Variants in PLCH1 observed in about 807,000 individuals in gnomAD.
PLCH1 encodes 1-phosphatidylinositol 4,5-bisphosphate phosphodiesterase eta-1.
Under a neutral mutation model 126.7 loss-of-function variants are expected in PLCH1, and 60 were observed. The ratio of observed to expected loss-of-function variants is 0.47; its 90% confidence interval spans 0.38 to 0.59. The LOEUF (loss-of-function observed/expected upper bound fraction) is 0.59. Among genes scored for constraint, PLCH1 ranks in the 20% least tolerant of loss-of-function variants. The pLI, the probability that PLCH1 is intolerant of heterozygous loss-of-function variation, is 0.00. For synonymous variants in PLCH1, 719 were observed against 734.9 expected (o/e 0.98, Z 0.35); for missense variants, 1,723 against 2,040.0 (o/e 0.84, Z 2.99).
intron 3 of PLCH1, among the ~76,000 whole-genome samples, chr3:155,595,329 T>C (rs1276269214): frequency 6.6e-6 from 1 of 152,242 alleles, no homozygotes; most frequent in Non-Finnish European, 1.5e-5. Flanking sequence ...TATTTTTCAG[T>C]AGGAATCAGA....
At chr3:155,560,844 C>T (rs1727489323) in intron 8 of PLCH1, among the ~76,000 whole-genome samples, 1 of 152,178 alleles carries the variant, frequency 6.6e-6, no homozygotes, top group South Asian at 2.1e-4. Flanking sequence ...CATAAACCAA[C>T]TCCCTTTTAT....
At chr3:155,654,916 C>A (rs933951218) in intron 2 of PLCH1, among the ~76,000 whole-genome samples, 3 of 152,182 alleles carry the variant, frequency 2.0e-5, no homozygotes, top group Non-Finnish European at 4.4e-5. Context: ...TCTGACTCAT[C>A]TTCTACCATT....
chr3:155,646,476 A>G (rs1740076846), intron 2 of PLCH1, among the ~76,000 whole-genome samples: 1 of 152,188 alleles, frequency 6.6e-6, no homozygotes, highest in South Asian at 2.1e-4. Flanking sequence ...CATAATGTGC[A>G]ACTCCAGCCT....
chr3:155,640,744 C>T (rs1278295442), intron 2 of PLCH1, among the ~76,000 whole-genome samples: 1 of 152,102 alleles, frequency 6.6e-6, no homozygotes, highest in African/African-American at 2.4e-5. Context: ...CCAAAACCTC[C>T]ATGATTATAT....
intron 2 of PLCH1, among the ~76,000 whole-genome samples, chr3:155,613,554 T>C (rs1735412674): frequency 6.6e-6 from 1 of 152,062 alleles, no homozygotes; most frequent in African/African-American, 2.4e-5. Flanking sequence ...ACAAAAATCA[T>C]ATGATCATCT....
chr3:155,482,793 G>C lies in PLCH1; in HGVS notation c.3233C>G (p.Pro1078Arg), dbSNP rs1714382611. 2.5e-6 allele frequency: 4 copies of C among 1,614,120 alleles called. No individual in the cohort carries two copies. The highest frequency in any genetic ancestry group is 3.4e-6 in the Non-Finnish European group (4 of 1,180,026). ...AGGATCGGGAGCCAAATGCTGCTTT[G>C]GGGAGAGAGACTTGCTGGGACAGGG... ...ENPCPSKSLS[P>R]KQHLAPDPVV... is the part of the protein sequence containing the mutation. The change falls in exon 23 of 23, where the codon CCA becomes CGA. Residue 1078 changes from proline (P) to arginine (R), a missense_variant. Coordinates refer to ENST00000460012, the MANE Select transcript of PLCH1 (RefSeq NM_014996.4).
At chr3:155,720,571 G>T (rs1015967356) in intron 1 of PLCH1, among the ~76,000 whole-genome samples, 1 of 148,474 alleles carries the variant, frequency 6.7e-6, no homozygotes. Flanking sequence ...GGGATTATTT[G>T]TTTTTTTCTT....
intron 21 of PLCH1, among the ~76,000 whole-genome samples, chr3:155,455,403 A>C (rs1257523971): frequency 6.6e-6 from 1 of 152,218 alleles, no homozygotes; most frequent in Non-Finnish European, 1.5e-5. Flanking sequence ...CTGAACTGGC[A>C]TTGGTCCTAA....
chr3:155,628,715 TTTCTC>T (rs1446599002), intron 2 of PLCH1, among the ~76,000 whole-genome samples: 3 of 152,198 alleles, frequency 2.0e-5, no homozygotes, highest in Non-Finnish European at 1.5e-5. Context: ...AAAGATATCT[TTTCTC>T]TTCTACAATA....
At chr3:155,485,014 C>T (rs1261996877) in intron 22 of PLCH1, among the ~76,000 whole-genome samples, 3 of 152,152 alleles carry the variant, frequency 2.0e-5, no homozygotes, top group Non-Finnish European at 2.9e-5. Context: ...TATATTCACC[C>T]TCAAAACAAA....
intron 19 of PLCH1, among the ~76,000 whole-genome samples, chr3:155,489,098 A>G (rs1715768026): frequency 1.3e-5 from 2 of 152,246 alleles, no homozygotes; most frequent in African/African-American, 2.4e-5. Context: ...ATGCTTCAAT[A>G]AGTTAAAAAA....
chr3:155,488,196 C>T (rs1715576401), intron 20 of PLCH1, 89 bp from the exon 21 acceptor site: 2 of 734,960 alleles, frequency 2.7e-6, no homozygotes, highest in East Asian at 2.7e-5. Context: ...TCTGACTTGA[C>T]TGTAGTTCTT....
At chr3:155,458,445 GGAAGGAAGGAAAGAAAGAAAGAAA>G (rs1285393264) in intron 21 of PLCH1, among the ~76,000 whole-genome samples, 11 of 39,302 alleles carry the variant, frequency 2.8e-4, no homozygotes, top group East Asian at 1.0e-3. Flanking sequence ...AAGGAAGGAA[GGAAGGAAGGAAAGAAAGAAAGAAA>G]GAAAGAAAGA....
intron 1 of PLCH1, among the ~76,000 whole-genome samples, chr3:155,727,636 T>C (rs358714): frequency 0.48 from 73,040 of 152,018 alleles, 20,755 homozygotes; most frequent in African/African-American, 0.78. Context: ...GATCCGCCCG[T>C]CTCGGCCTCC....
chr3:155,495,164 G>A (rs1238885834), intron 15 of PLCH1, among the ~76,000 whole-genome samples: 2 of 152,082 alleles, frequency 1.3e-5, no homozygotes, highest in East Asian at 3.9e-4. Context: ...TAAGAACAAA[G>A]ACAGACATTC....
At position 155,494,331 on chromosome 3, in the gene PLCH1, T is replaced by TAC. The variant is rs748402683; in HGVS notation, c.2074+5_2074+6dup. The TAC allele has an allele frequency of 2.5e-6, 4 of 1,613,926 alleles. No individual in the cohort carries two copies. In the Admixed American group the frequency reaches 6.7e-5, roughly 27 times the overall value. ...CAGAGAACCACTCCTTCCCAAGGAATACACACCTAGCTGGCAGCCTGCGTT... is the reference window on the plus strand; with the variant it reads ...CAGAGAACCACTCCTTCCCAAGGAATACACACACCTAGCTGGCAGCCTGCGTT... On this transcript the variant is annotated splice_region_variant and intron_variant, in intron 16 of 22. Coordinates refer to ENST00000460012, the MANE Select transcript of PLCH1 (RefSeq NM_014996.4).
chr3:155,480,735 T>C lies in PLCH1; in HGVS notation c.*233A>G, dbSNP rs1713881266. ...TCTAGGGCATGCACATATTTCATAC[T>C]GATACAGTTTACAACAACTCAAGGG... On this transcript the variant is annotated 3_prime_UTR_variant, in exon 23 of 23. Coordinates refer to ENST00000460012, the MANE Select transcript of PLCH1 (RefSeq NM_014996.4). 6.1e-6 allele frequency: 3 copies of C among 490,328 alleles called. No individual in the cohort carries two copies. Among genetic ancestry groups the C allele is most frequent in the Non-Finnish European group, 7.2e-6 (2 of 276,616 alleles). The allele number at this position is 490,328 out of a possible 1,614,324, so 30.4% of individuals were successfully genotyped here.
chr3:155,451,680 G>C (rs1712312209), intron 21 of PLCH1, among the ~76,000 whole-genome samples: 1 of 152,138 alleles, frequency 6.6e-6, no homozygotes, highest in South Asian at 2.1e-4. Context: ...AGTAATCATG[G>C]TTTTTGCCAT....
chr3:155,592,491 T>TCC (rs63749717), intron 4 of PLCH1, among the ~76,000 whole-genome samples: 2 of 142,436 alleles, frequency 1.4e-5, no homozygotes, highest in African/African-American at 2.7e-5. Flanking sequence ...CAAGACTCCA[T>TCC]CTCCAAAAAA....
Sources: allele counts gnomAD v4.1 joint callset (sites outside exome capture counted in the v4.1 genomes callset), GRCh38; gene constraint gnomAD v4.1.1; transcripts MANE v1.5; gene names NCBI Gene and HGNC (gene_info 2026-07-23, HGNC 2026-07-21).